The following TXNRD1 variants were observed in gnomAD, a reference collection of about 807,000 sequenced individuals.
TXNRD1 encodes thioredoxin reductase 1, cytoplasmic.
TXNRD1 carries 57 observed loss-of-function variants against 80.3 expected under a neutral mutation model. That is an observed-to-expected ratio of 0.71 (90% CI 0.57 to 0.89). The LOEUF (loss-of-function observed/expected upper bound fraction) is 0.89, where lower values mean the gene tolerates loss of function less well. Among genes scored for constraint, TXNRD1 ranks in the 40% least tolerant of loss-of-function variants. The pLI is 0.00. For synonymous variants in TXNRD1, 291 were observed against 285.2 expected, an observed-to-expected ratio of 1.02 and a Z score of -0.20; for missense variants, 730 against 803.0, an observed-to-expected ratio of 0.91 and a Z score of 1.10.
chr12:104,252,658 T>TATATATATATATATATATATATATATA (rs1491493630), intron 2 of TXNRD1, among the ~76,000 whole-genome samples: 3 of 10,360 alleles, frequency 2.9e-4, no homozygotes, highest in African/African-American at 3.8e-4. Flanking sequence ...TAATTTATTA[T>TATATATATATATATATATATATATATA]TTTTTATATA....
At chr12:104,338,422 C>T (rs1189699808) in intron 15 of TXNRD1, among the ~76,000 whole-genome samples, 2 of 151,398 alleles carry the variant, frequency 1.3e-5, no homozygotes, top group Non-Finnish European at 3.0e-5. Context: ...TTTCCAGGTG[C>T]GGTGGCTCAC....
At chr12:104,281,214 G>A (rs1201397160) in intron 3 of TXNRD1, among the ~76,000 whole-genome samples, 2 of 152,056 alleles carry the variant, frequency 1.3e-5, no homozygotes, top group East Asian at 1.9e-4. Context: ...GAAATCTAGC[G>A]TTATCATTGA....
chr12:104,262,278 C>G (rs2033384515), intron 3 of TXNRD1: 1 of 145,850 alleles, frequency 6.9e-6, no homozygotes, highest in African/African-American at 2.5e-5. Context: ...ACACCCCGTT[C>G]TAAGGCAAGT....
intron 4 of TXNRD1, among the ~76,000 whole-genome samples, chr12:104,308,959 A>G (rs1039334081): frequency 1.4e-5 from 2 of 142,660 alleles, no homozygotes; most frequent in Non-Finnish European, 3.0e-5. Context: ...GTGCAGTGCC[A>G]TGATCTTGGC....
intron 3 of TXNRD1, chr12:104,265,379 C>A: frequency 6.2e-7 from 1 of 1,607,754 alleles, no homozygotes; most frequent in Non-Finnish European, 8.5e-7. Flanking sequence ...AAATGCCACA[C>A]GCCGCCCCTC....
At chr12:104,227,041 G>C (rs1441154417) in intron 1 of TXNRD1, among the ~76,000 whole-genome samples, 1 of 152,120 alleles carries the variant, frequency 6.6e-6, no homozygotes, top group Non-Finnish European at 1.5e-5. Context: ...AAAAGATTTG[G>C]GTAGAGGAAT....
intron 4 of TXNRD1, among the ~76,000 whole-genome samples, chr12:104,296,420 T>C (rs1265464237): frequency 2.6e-5 from 4 of 152,052 alleles, no homozygotes; most frequent in Non-Finnish European, 5.9e-5. Flanking sequence ...TTGAAAAAAA[T>C]TTCTTTAGAG....
intron 1 of TXNRD1, among the ~76,000 whole-genome samples, chr12:104,245,892 G>A (rs1334326375): frequency 6.6e-6 from 1 of 151,908 alleles, no homozygotes; most frequent in African/African-American, 2.4e-5. Context: ...GGCGTATCAC[G>A]AGGTCAGGAG....
At chr12:104,293,699 C>A (rs2135756595) in intron 4 of TXNRD1, among the ~76,000 whole-genome samples, 1 of 152,130 alleles carries the variant, frequency 6.6e-6, no homozygotes, top group South Asian at 2.1e-4. Flanking sequence ...GGGTCTCTCC[C>A]TGTGTGCGGC....
At chr12:104,236,278 G>A (rs539758379) in intron 1 of TXNRD1, among the ~76,000 whole-genome samples, 2 of 152,264 alleles carry the variant, frequency 1.3e-5, no homozygotes, top group South Asian at 2.1e-4. Context: ...CTCTTTCACT[G>A]TCTCAGTCAC....
At chr12:104,242,731 G>A (rs768148152) in intron 1 of TXNRD1, among the ~76,000 whole-genome samples, 1 of 152,256 alleles carries the variant, frequency 6.6e-6, no homozygotes, top group East Asian at 1.9e-4. Flanking sequence ...TCTTGGTGCT[G>A]AGTGATCCAG....
chr12:104,281,636 GAC>G (rs2033881103), intron 3 of TXNRD1, among the ~76,000 whole-genome samples: 1 of 151,692 alleles, frequency 6.6e-6, no homozygotes, highest in Non-Finnish European at 1.5e-5. Flanking sequence ...TCAATCTCCT[GAC>G]CTCGTGATCC....
At chr12:104,304,872 A>G (rs1409668809) in intron 4 of TXNRD1, 1 of 1,613,086 alleles carries the variant, frequency 6.2e-7, no homozygotes, top group Non-Finnish European at 8.5e-7. Context: ...ACTTTACAGG[A>G]GTGGAAAAAC....
At chr12:104,248,553 G>T (rs1000125236) in intron 1 of TXNRD1, among the ~76,000 whole-genome samples, 3 of 152,166 alleles carry the variant, frequency 2.0e-5, no homozygotes, top group South Asian at 2.1e-4. Context: ...CAAAGTGCAG[G>T]AATTACGGGC....
chr12:104,262,428 T>C (rs2135714252), intron 3 of TXNRD1: 1 of 152,254 alleles, frequency 6.6e-6, no homozygotes, highest in East Asian at 1.9e-4. Flanking sequence ...GAGGAGCTTG[T>C]AATCATGGAG....
intron 3 of TXNRD1, among the ~76,000 whole-genome samples, chr12:104,267,721 C>CTCTCTCTCTT (rs1158350636): frequency 3.5e-5 from 3 of 84,698 alleles, no homozygotes; most frequent in Non-Finnish European, 5.7e-5. Context: ...TTCTTTCTTT[C>CTCTCTCTCTT]TCTTTCTTTC....
At chr12:104,263,121 T>G (rs1409973758) in intron 3 of TXNRD1, among the ~76,000 whole-genome samples, 4 of 152,190 alleles carry the variant, frequency 2.6e-5, no homozygotes, top group Admixed American at 1.3e-4. Flanking sequence ...TCATGTCCTG[T>G]GTGTAGGTAG....
intron 12 of TXNRD1, 71 bp from the exon 13 acceptor site, chr12:104,327,444 A>G: frequency 6.7e-7 from 1 of 1,486,236 alleles, no homozygotes; most frequent in Admixed American, 2.1e-5. Flanking sequence ...TTCCCTGAAA[A>G]AACGGAAGAT....
intron 2 of TXNRD1, among the ~76,000 whole-genome samples, chr12:104,254,019 C>T (rs1408624004): frequency 3.3e-5 from 5 of 152,104 alleles, no homozygotes; most frequent in African/African-American, 7.2e-5. Flanking sequence ...TCTGAAATTA[C>T]GTGCTTGTCT....
Sources: allele counts gnomAD v4.1 joint callset (sites outside exome capture counted in the v4.1 genomes callset), GRCh38; gene constraint gnomAD v4.1.1; transcripts MANE v1.5; gene names NCBI Gene and HGNC (gene_info 2026-07-23, HGNC 2026-07-21).